LAMA2: variants seen among roughly 807,000 people sequenced by gnomAD.
LAMA2 encodes the protein laminin subunit alpha-2.
LAMA2 carries 269 observed loss-of-function variants against 364.8 expected under a neutral mutation model. The observed-to-expected ratio is 0.74, with a 90% CI of 0.67 to 0.82. The LOEUF is 0.82. Among genes scored for constraint, LAMA2 ranks in the 40% least tolerant of loss-of-function variants. The pLI, the probability that LAMA2 is intolerant of heterozygous loss-of-function variation, is 0.00. For missense variants in LAMA2, 3,807 were observed against 3,873.2 expected (o/e 0.98, Z 0.45); for synonymous variants, 1,379 against 1,370.6 (o/e 1.01, Z -0.14).
intron 13 of LAMA2, among the ~76,000 whole-genome samples, chr6:129,250,740 C>T (rs1786120837): frequency 1.3e-5 from 2 of 152,200 alleles, no homozygotes; most frequent in East Asian, 1.9e-4. Context: ...CCTGAAGTTT[C>T]CTTAGAGGCT....
chr6:129,292,354 A>G (rs1000055103), intron 20 of LAMA2, among the ~76,000 whole-genome samples: 27 of 152,200 alleles, frequency 1.8e-4, no homozygotes, highest in African/African-American at 5.8e-4. Flanking sequence ...TCAAAAAACA[A>G]AACAAACCAA....
intron 4 of LAMA2, among the ~76,000 whole-genome samples, chr6:129,098,797 G>T (rs74957491): frequency 0.017 from 2,659 of 152,274 alleles, 68 homozygotes; most frequent in African/African-American, 0.061. Flanking sequence ...AAATGAATTT[G>T]TGAAGAAATG....
intron 32 of LAMA2, among the ~76,000 whole-genome samples, chr6:129,365,672 C>CT (rs36004394): frequency 0.38 from 55,984 of 146,254 alleles, 12,004 homozygotes; most frequent in Non-Finnish European, 0.5. Flanking sequence ...CTTCTTTAGA[C>CT]TTTTTTTTTT....
chr6:129,136,676 C>T (rs1777814322), intron 4 of LAMA2, among the ~76,000 whole-genome samples: 1 of 151,928 alleles, frequency 6.6e-6, no homozygotes, highest in African/African-American at 2.4e-5. Flanking sequence ...TCTTATTATG[C>T]TGAAATTTAT....
chr6:128,990,967 G>A (rs994496877), intron 1 of LAMA2, among the ~76,000 whole-genome samples: 1 of 152,000 alleles, frequency 6.6e-6, no homozygotes, highest in Non-Finnish European at 1.5e-5. Flanking sequence ...TTTTTTAAAT[G>A]ATTATAACGG....
chr6:128,959,638 A>G (rs1781357803), intron 1 of LAMA2, among the ~76,000 whole-genome samples: 1 of 152,118 alleles, frequency 6.6e-6, no homozygotes. Flanking sequence ...GAAAACTGCT[A>G]AGATTTACCA....
intron 35 of LAMA2, among the ~76,000 whole-genome samples, chr6:129,388,643 A>G (rs774614121): frequency 3.9e-5 from 6 of 152,142 alleles, no homozygotes; most frequent in Non-Finnish European, 5.9e-5. Flanking sequence ...ATCAAATTTC[A>G]AAAGATATTT....
chr6:129,272,397 G>C (rs1788001046), intron 17 of LAMA2, among the ~76,000 whole-genome samples: 1 of 152,096 alleles, frequency 6.6e-6, no homozygotes, highest in Admixed American at 6.6e-5. Context: ...TAATTAAAAT[G>C]TGTAAACCAC....
intron 62 of LAMA2, 54 bp downstream of exon 62, chr6:129,507,696 C>T: frequency 1.3e-6 from 2 of 1,551,730 alleles, no homozygotes; most frequent in Non-Finnish European, 1.8e-6. Context: ...CAAATACTAA[C>T]TTCTTGCTAG....
chr6:129,114,712 T>C (rs1218550729), intron 4 of LAMA2, among the ~76,000 whole-genome samples: 1 of 152,008 alleles, frequency 6.6e-6, no homozygotes, highest in Non-Finnish European at 1.5e-5. Context: ...TGCTAAAAGC[T>C]TTTGGGTTCC....
intron 55 of LAMA2, among the ~76,000 whole-genome samples, chr6:129,484,057 A>G (rs149813026): frequency 9.6e-4 from 147 of 152,332 alleles, no homozygotes; most frequent in Middle Eastern, 3.4e-3. Flanking sequence ...CCTTCGGGAA[A>G]AGAACACTTG....
At chr6:129,248,519 G>A (rs1254919201) in intron 12 of LAMA2, among the ~76,000 whole-genome samples, 3 of 151,972 alleles carry the variant, frequency 2.0e-5, no homozygotes, top group Non-Finnish European at 4.4e-5. Flanking sequence ...ATATTAAGTT[G>A]ATATTTTTCT....
chr6:129,314,634 G>T, intron 23 of LAMA2, 21 bp from the exon 24 acceptor site: 2 of 1,612,626 alleles, frequency 1.2e-6, no homozygotes, highest in Non-Finnish European at 8.5e-7. Context: ...TAAACTCTGA[G>T]GGTCTCTTGT....
chr6:129,388,052 G>A (rs535188496), intron 35 of LAMA2, among the ~76,000 whole-genome samples: 46 of 152,264 alleles, frequency 3.0e-4, no homozygotes, highest in African/African-American at 5.3e-4. Context: ...GAGGTCAGGC[G>A]TTCAAGACCA....
At chr6:128,982,488 T>G (rs1265266697) in intron 1 of LAMA2, among the ~76,000 whole-genome samples, 8 of 152,210 alleles carry the variant, frequency 5.3e-5, no homozygotes, top group Admixed American at 5.2e-4. Context: ...AATATGCCAA[T>G]AGGTAGAATG....
chr6:129,171,500 GC>G (rs1780150610), intron 9 of LAMA2, among the ~76,000 whole-genome samples: 1 of 151,990 alleles, frequency 6.6e-6, no homozygotes, highest in East Asian at 1.9e-4. Flanking sequence ...TTGAATATTG[GC>G]CCCCACTCTC....
intron 8 of LAMA2, among the ~76,000 whole-genome samples, chr6:129,160,432 G>C (rs1015519240): frequency 1.3e-5 from 2 of 152,076 alleles, no homozygotes; most frequent in Admixed American, 1.3e-4. Flanking sequence ...CATCTATATA[G>C]ATATCCCCTG....
intron 4 of LAMA2, among the ~76,000 whole-genome samples, chr6:129,101,497 T>C (rs548696355): frequency 7.2e-5 from 11 of 152,366 alleles, no homozygotes; most frequent in African/African-American, 2.6e-4. Context: ...TTTTCTCTGA[T>C]TTATTTAAAT....
At position 129,264,527 on chromosome 6, in the gene LAMA2, G is replaced by A. The variant is rs189500712; in HGVS notation, c.2209-2579G>A. ...TGTCTGGTCTAGAGATATGTTTTTG[G>A]AAGGCGTCATAAACTATGGAACTGA... On this transcript the variant is annotated intron_variant, in intron 15 of 64. Coordinates refer to ENST00000421865, the MANE Select transcript of LAMA2 (RefSeq NM_000426.4). Among the ~76,000 whole-genome samples the A allele has an allele frequency of 1.2e-4, 18 of 152,128 alleles. No individual in the cohort carries two copies. The East Asian group carries it at 3.5e-3, about 29-fold the overall frequency.
Sources: allele counts gnomAD v4.1 joint callset (sites outside exome capture counted in the v4.1 genomes callset), GRCh38; gene constraint gnomAD v4.1.1; transcripts MANE v1.5; gene names NCBI Gene and HGNC (gene_info 2026-07-23, HGNC 2026-07-21).